KCND2: variants seen among roughly 807,000 people sequenced by gnomAD.
KCND2 encodes the protein A-type voltage-gated potassium channel KCND2.
Under a neutral mutation model 54.4 loss-of-function variants are expected in KCND2, and 16 were observed. The observed-to-expected ratio is 0.29, with a 90% CI of 0.20 to 0.45. KCND2 has a LOEUF of 0.45. KCND2 is among the 20% of genes least tolerant of loss of function. KCND2 has a pLI of 1.00. For synonymous variants in KCND2, 317 were observed against 310.7 expected (o/e 1.02, Z -0.21); for missense variants, 486 against 824.2 (o/e 0.59, Z 5.02).
intron 1 of KCND2, among the ~76,000 whole-genome samples, chr7:120,436,605 T>C (rs1343470599): frequency 6.6e-6 from 1 of 152,188 alleles, no homozygotes; most frequent in Non-Finnish European, 1.5e-5. Context: ...CCTAACTGAC[T>C]ATCCTCCAGG....
intron 1 of KCND2, among the ~76,000 whole-genome samples, chr7:120,687,667 TA>T (rs1307021931): frequency 3.3e-5 from 5 of 151,790 alleles, no homozygotes; most frequent in African/African-American, 4.8e-5. Context: ...AAAAACAACA[TA>T]AAAAAACCCC....
At chr7:120,321,316 T>C (rs1799890309) in intron 1 of KCND2, among the ~76,000 whole-genome samples, 1 of 152,110 alleles carries the variant, frequency 6.6e-6, no homozygotes, top group South Asian at 2.1e-4. Flanking sequence ...TTTTGTTTTG[T>C]TTTGTTTTTG....
chr7:120,289,939 A>G (rs1394963733), intron 1 of KCND2, among the ~76,000 whole-genome samples: 2 of 152,068 alleles, frequency 1.3e-5, no homozygotes, highest in African/African-American at 2.4e-5. Flanking sequence ...TTCGAAGCTC[A>G]CATTGTGTTT....
rs200099000 is a variant in KCND2 at position 120,359,976 on chromosome 7, CTG to C, written c.1115+84232_1115+84233del. On this transcript the variant is annotated intron_variant, in intron 1 of 5. Coordinates refer to ENST00000331113, the MANE Select transcript of KCND2 (RefSeq NM_012281.3). Reference sequence around the variant, plus strand: ...TCCTGAGGACTGCTCAGCAATAAAACTGTGAGTCAATTAAACCTCTTTTCTTT... The same window carrying C: ...TCCTGAGGACTGCTCAGCAATAAAACTGAGTCAATTAAACCTCTTTTCTTT... 4.2e-4 allele frequency among the ~76,000 whole-genome samples: 64 copies of C among 152,228 alleles called. 1 individual carries two copies. In the East Asian group the frequency reaches 0.011, roughly 26 times the overall value.
chr7:120,743,774 G>T (rs1792971027), intron 4 of KCND2, among the ~76,000 whole-genome samples: 1 of 152,218 alleles, frequency 6.6e-6, no homozygotes, highest in Non-Finnish European at 1.5e-5. Flanking sequence ...CAAAAGAGGA[G>T]CTGAAGGGAA....
chr7:120,310,950 A>G (rs577057356), intron 1 of KCND2, among the ~76,000 whole-genome samples: 1 of 151,398 alleles, frequency 6.6e-6, no homozygotes, highest in Non-Finnish European at 1.5e-5. Flanking sequence ...AAAAAAAAAA[A>G]GAAAGAAAGA....
chr7:120,401,124 T>C (rs1305681843), intron 1 of KCND2, among the ~76,000 whole-genome samples: 2 of 152,084 alleles, frequency 1.3e-5, no homozygotes, highest in Non-Finnish European at 2.9e-5. Context: ...AGTGTTCCAA[T>C]TGGACTGCAT....
intron 1 of KCND2, among the ~76,000 whole-genome samples, chr7:120,522,884 G>A (rs774438653): frequency 2.0e-5 from 3 of 152,098 alleles, no homozygotes; most frequent in Non-Finnish European, 2.9e-5. Context: ...ATAATAAAGG[G>A]ATTCCTTGCA....
intron 1 of KCND2, among the ~76,000 whole-genome samples, chr7:120,358,769 C>T (rs1366035193): frequency 2.6e-5 from 4 of 152,118 alleles, no homozygotes; most frequent in Admixed American, 6.6e-5. Flanking sequence ...CAGTGAATTT[C>T]GAACTATGTG....
chr7:120,314,600 A>G (rs1012350165), intron 1 of KCND2, among the ~76,000 whole-genome samples: 2 of 152,188 alleles, frequency 1.3e-5, no homozygotes, highest in Non-Finnish European at 1.5e-5. Flanking sequence ...TAGAGGCTTA[A>G]CTGGTCATTC....
chr7:120,426,959 A>G (rs938686029), intron 1 of KCND2, among the ~76,000 whole-genome samples: 1 of 152,084 alleles, frequency 6.6e-6, no homozygotes, highest in African/African-American at 2.4e-5. Flanking sequence ...TGCATTTCTA[A>G]TATTACTCCT....
rs116254453 is a variant in KCND2 at position 120,482,909 on chromosome 7, G to A, written c.1115+207162G>A. ...TAATAAATTGCTTATGATTAATTGCGTCACTTATTACTCATGACCCTACTA... is the reference window on the plus strand; with the variant it reads ...TAATAAATTGCTTATGATTAATTGCATCACTTATTACTCATGACCCTACTA... On this transcript the variant is annotated intron_variant, in intron 1 of 5. Transcript: ENST00000331113. 9.2e-4 allele frequency among the ~76,000 whole-genome samples: 140 copies of A among 152,132 alleles called. 2 individuals are homozygous for A. The highest frequency in any genetic ancestry group is 3.1e-3 in the African/African-American group (130 of 41,500).
At chr7:120,541,698 G>C (rs1791981361) in intron 1 of KCND2, among the ~76,000 whole-genome samples, 1 of 152,018 alleles carries the variant, frequency 6.6e-6, no homozygotes, top group South Asian at 2.1e-4. Flanking sequence ...CAGATAATCT[G>C]AGAGCAGGAG....
intron 1 of KCND2, among the ~76,000 whole-genome samples, chr7:120,640,367 G>A (rs1447238592): frequency 6.6e-6 from 1 of 152,120 alleles, no homozygotes; most frequent in African/African-American, 2.4e-5. Flanking sequence ...TAGGCTTCTT[G>A]AACCCTTTCA....
intron 1 of KCND2, among the ~76,000 whole-genome samples, chr7:120,529,833 T>C (rs949690457): frequency 6.6e-5 from 10 of 152,040 alleles, no homozygotes; most frequent in Admixed American, 5.9e-4. Flanking sequence ...CTGTAATCCC[T>C]GTATTATGCG....
intron 2 of KCND2, among the ~76,000 whole-genome samples, chr7:120,737,937 A>T (rs1792895015): frequency 6.6e-6 from 1 of 151,938 alleles, no homozygotes; most frequent in Non-Finnish European, 1.5e-5. Context: ...AATCTACCTC[A>T]TACCTCATCT....
chr7:120,464,019 T>G (rs1416026755), intron 1 of KCND2: 21 of 860,080 alleles, frequency 2.4e-5, no homozygotes, highest in Non-Finnish European at 2.9e-5. Flanking sequence ...TTAGTTTTGT[T>G]TTTTTTTTTT....
At chr7:120,441,097 G>C (rs1486096350) in intron 1 of KCND2, among the ~76,000 whole-genome samples, 1 of 151,870 alleles carries the variant, frequency 6.6e-6, no homozygotes, top group Non-Finnish European at 1.5e-5. Context: ...CATTTCCTTA[G>C]CTTTGGAAAA....
intron 1 of KCND2, among the ~76,000 whole-genome samples, chr7:120,650,878 C>A (rs1181865113): frequency 7.0e-6 from 1 of 143,450 alleles, no homozygotes; most frequent in African/African-American, 2.7e-5. Context: ...GCTGGAGGTC[C>A]ACTCCAGACC....
Sources: allele counts gnomAD v4.1 joint callset (sites outside exome capture counted in the v4.1 genomes callset), GRCh38; gene constraint gnomAD v4.1.1; transcripts MANE v1.5; gene names NCBI Gene and HGNC (gene_info 2026-07-23, HGNC 2026-07-21).